Variants in MMS22L observed in about 807,000 individuals in gnomAD.
The protein encoded by MMS22L is MMS22 like, DNA repair protein, also known as protein MMS22-like.
A neutral mutation model predicts 159.1 loss-of-function variants in MMS22L; 74 were observed. The observed-to-expected ratio is 0.47, with a 90% CI of 0.39 to 0.56. The LOEUF (loss-of-function observed/expected upper bound fraction) is 0.56. MMS22L is among the 20% of genes least tolerant of loss of function. The pLI is 0.00. For synonymous variants in MMS22L, 517 were observed against 506.9 expected (o/e 1.02, Z -0.27); for missense variants, 1,351 against 1,422.1 (o/e 0.95, Z 0.80).
At chr6:97,270,074 A>G in intron 6 of MMS22L, 82 bp from the exon 7 acceptor site, 1 of 1,077,450 alleles carries the variant, frequency 9.3e-7, no homozygotes. Flanking sequence ...ATACTCCTCC[A>G]TAAACACAAG....
intron 14 of MMS22L, among the ~76,000 whole-genome samples, chr6:97,199,812 A>G (rs1245373038): frequency 1.3e-5 from 2 of 152,118 alleles, no homozygotes; most frequent in South Asian, 2.1e-4. Flanking sequence ...CCTAATGGAA[A>G]TAACAGTCTA....
At chr6:97,152,819 T>A (rs550136278) in intron 22 of MMS22L, among the ~76,000 whole-genome samples, 26 of 151,128 alleles carry the variant, frequency 1.7e-4, no homozygotes, top group African/African-American at 6.1e-4. Context: ...CTTTTTTTTT[T>A]TAAAAAAAAT....
rs898375668 is a variant in MMS22L, at chr6:97,227,455, G to A, written c.2039+1439C>T. On this transcript the variant is annotated intron_variant, in intron 14 of 24. Transcript: ENST00000683635. ...AGATATATAGAGACAAACCAAAACTGATATTGGAAACATAAAAATTTCTAA... is the reference window on the plus strand; with the variant it reads ...AGATATATAGAGACAAACCAAAACTAATATTGGAAACATAAAAATTTCTAA... Among the ~76,000 whole-genome samples, 4 of 152,088 alleles carry A rather than the reference G, an allele frequency of 2.6e-5. No individual in the cohort carries two copies. The East Asian group carries it at 7.7e-4, about 29-fold the overall frequency.
Position 97,147,857 on chromosome 6 carries a change from C to A in MMS22L, c.3651-970G>T, listed in dbSNP as rs138923239. On this transcript the variant is annotated intron_variant, in intron 24 of 24. Transcript: ENST00000683635. ...TGAAATGGCATTGAAAAAATGGATT[C>A]CATTAGTTAGCTAAAGCTATAATCA... Among the ~76,000 whole-genome samples, 85 of 152,182 alleles carry A rather than the reference C, an allele frequency of 5.6e-4. 3 individuals carry two copies. The East Asian group carries it at 0.011, about 19-fold the overall frequency.
chr6:97,255,866 C>A (rs1450002529), intron 9 of MMS22L, among the ~76,000 whole-genome samples: 1 of 152,130 alleles, frequency 6.6e-6, no homozygotes, highest in Non-Finnish European at 1.5e-5. Flanking sequence ...GTAAACCTTT[C>A]ATCACTATAA....
chr6:97,193,679 G>A (rs1451192731), intron 14 of MMS22L, among the ~76,000 whole-genome samples: 1 of 152,108 alleles, frequency 6.6e-6, no homozygotes. Context: ...CTTCAGCATT[G>A]GGCCCAATCA....
intron 9 of MMS22L, among the ~76,000 whole-genome samples, chr6:97,256,865 T>C (rs755519775): frequency 9.2e-5 from 14 of 152,302 alleles, no homozygotes; most frequent in Non-Finnish European, 1.8e-4. Flanking sequence ...GAGGATCACT[T>C]GAGTTCAACA....
intron 24 of MMS22L, among the ~76,000 whole-genome samples, chr6:97,147,443 ACTAGT>A (rs1389126723): frequency 6.6e-6 from 1 of 152,184 alleles, no homozygotes; most frequent in Non-Finnish European, 1.5e-5. Context: ...TAGTTATCTC[ACTAGT>A]CTAAATACCT....
intron 14 of MMS22L, among the ~76,000 whole-genome samples, chr6:97,222,798 T>C (rs1809792989): frequency 1.3e-5 from 2 of 151,922 alleles, no homozygotes; most frequent in South Asian, 2.1e-4. Flanking sequence ...ACCCCGAAAA[T>C]GGAGGTTTAT....
intron 6 of MMS22L, chr6:97,271,485 C>G (rs1488865927): frequency 6.6e-6 from 1 of 152,122 alleles, no homozygotes; most frequent in Non-Finnish European, 1.5e-5. Flanking sequence ...ATCCCTCCCT[C>G]AACAATCTAC....
chr6:97,277,021 G>A (rs534766857), intron 4 of MMS22L, among the ~76,000 whole-genome samples: 11 of 152,192 alleles, frequency 7.2e-5, no homozygotes, highest in South Asian at 4.2e-4. Context: ...TACAAATCAC[G>A]TAACATATTA....
intron 23 of MMS22L, 194 bp downstream of exon 23, chr6:97,151,577 T>C (rs758361548): frequency 5.9e-6 from 3 of 508,210 alleles, no homozygotes; most frequent in East Asian, 6.9e-5. Context: ...CCCTCACTTA[T>C]CTTTTTCACT....
chr6:97,218,185 A>G (rs1386164847), intron 14 of MMS22L, among the ~76,000 whole-genome samples: 1 of 152,200 alleles, frequency 6.6e-6, no homozygotes, highest in African/African-American at 2.4e-5. Context: ...AAACCTTTCA[A>G]CTGGGAAGAA....
At chr6:97,200,588 T>C (rs1807033509) in intron 14 of MMS22L, among the ~76,000 whole-genome samples, 1 of 152,082 alleles carries the variant, frequency 6.6e-6, no homozygotes, top group African/African-American at 2.4e-5. Context: ...AACATTTATC[T>C]GCACATCAAA....
chr6:97,187,348 T>C (rs13199204), intron 14 of MMS22L, among the ~76,000 whole-genome samples: 6,026 of 152,268 alleles, frequency 0.04, 127 homozygotes, highest in Middle Eastern at 0.071. Flanking sequence ...ATCGAAAATT[T>C]AGATATCTCT....
At chr6:97,149,732 T>G (rs1156846525) in intron 24 of MMS22L, 121 bp downstream of exon 24, 11 of 1,010,926 alleles carry the variant, frequency 1.1e-5, no homozygotes, top group Non-Finnish European at 1.5e-5. Context: ...ACTGAAACAT[T>G]TTTCATCTCA....
rs765580670 is a variant in MMS22L at position 97,229,297 on chromosome 6, C to T, written c.1636G>A (p.Asp546Asn). ...LLLAAVAEVE[D>N]VASHVLDLLN... ...AGGTCTAAAACATGACTTGCAACAT[C>T]TTCTACCTCTGCAACAGCTGCTAAC... Residue 546 changes from aspartate (D) to asparagine (N), a missense_variant, in exon 14 of 25, where the codon GAT becomes AAT. By Grantham distance (23) the Asp-to-Asn change is conservative. Transcript: ENST00000683635. 1.2e-6 allele frequency: 2 copies of T among 1,614,022 alleles called. No homozygotes were observed. The highest frequency in any genetic ancestry group is 1.3e-5 in the African/African-American group (1 of 74,924).
rs748641230 is a variant in MMS22L, at chr6:97,151,863, T to C, written c.3390A>G (p.Lys1130=). ...CLVLVSEPQV[K]RLATENLQYM... ...ATTGCAGGTTCTCTGTGGCCAGCCT[T>C]TTAACTAGAAGGAAAAATTACAGCA... The change falls in exon 23 of 25, where the codon AAA becomes AAG. Residue 1130 remains lysine, a synonymous_variant. Transcript: ENST00000683635. 4 of 1,613,222 alleles carry C rather than the reference T, an allele frequency of 2.5e-6. No individual in the cohort carries two copies. Among genetic ancestry groups the C allele is most frequent in the Non-Finnish European group, 1.7e-6 (2 of 1,179,426 alleles).
At chr6:97,228,235 T>C (rs899618832) in intron 14 of MMS22L, among the ~76,000 whole-genome samples, 2 of 152,124 alleles carry the variant, frequency 1.3e-5, no homozygotes, top group Admixed American at 1.3e-4. Context: ...TTCTGAGAGG[T>C]AGCAGGGGAA....
Sources: allele counts gnomAD v4.1 joint callset (sites outside exome capture counted in the v4.1 genomes callset), GRCh38; gene constraint gnomAD v4.1.1; transcripts MANE v1.5; gene names NCBI Gene and HGNC (gene_info 2026-07-23, HGNC 2026-07-21).